CEP170: variants seen among roughly 807,000 people sequenced by gnomAD.
CEP170 encodes centrosomal protein of 170 kDa.
A neutral mutation model predicts 151.9 loss-of-function variants in CEP170; 21 were observed. The ratio of observed to expected loss-of-function variants is 0.14; its 90% confidence interval spans 0.10 to 0.20. CEP170 has a LOEUF of 0.20. CEP170 is among the 10% of genes least tolerant of loss of function. CEP170 has a pLI of 1.00. For synonymous variants in CEP170, 356 were observed against 648.8 expected (o/e 0.55, Z 6.86); for missense variants, 964 against 1,892.9 (o/e 0.51, Z 9.11).
chr1:243,164,531 G>T lies in CEP170; in HGVS notation c.3429C>A (p.Asn1143Lys), dbSNP rs1007484240. 1 of 1,612,828 alleles carries T rather than the reference G, an allele frequency of 6.2e-7. No homozygotes were observed. The highest frequency in any genetic ancestry group is 1.1e-5 in the South Asian group (1 of 90,904). ...GAGCCAATAAATCAATCCGAGAGAT[G>T]TTACGCCTTCCTGTGGGAGGTTTTG... ...STSKPPTGRR[N>K]ISRIDLLAQP... Residue 1143 changes from asparagine to lysine, a missense_variant, in exon 13 of 20, where the codon AAC becomes AAA. Asn to Lys is a moderately conservative substitution (Grantham distance 94, BLOSUM62 0). Coordinates refer to ENST00000366542, the MANE Select transcript of CEP170 (RefSeq NM_014812.3).
intron 1 of CEP170, among the ~76,000 whole-genome samples, chr1:243,231,789 A>G (rs193089308): frequency 3.3e-5 from 5 of 152,324 alleles, no homozygotes; most frequent in African/African-American, 1.2e-4. Flanking sequence ...ACACATACAG[A>G]AGACAAATAC....
rs2057495625 is a variant in CEP170 at position 243,155,828 on chromosome 1, T to C, written c.3911+393A>G. On this transcript the variant is annotated intron_variant, in intron 14 of 19. Coordinates refer to ENST00000366542, the MANE Select transcript of CEP170 (RefSeq NM_014812.3). ...TTCTCTCCAGAGAGCAGTAGCCACATCTCTAAAAGGTATACTATTACATCT... is the reference window on the plus strand; with the variant it reads ...TTCTCTCCAGAGAGCAGTAGCCACACCTCTAAAAGGTATACTATTACATCT... 4.6e-5 allele frequency among the ~76,000 whole-genome samples: 7 copies of C among 152,254 alleles called. No individual in the cohort carries two copies. The South Asian group carries it at 1.5e-3, about 32-fold the overall frequency.
At chr1:243,249,779 C>A (rs2065767814) in intron 1 of CEP170, among the ~76,000 whole-genome samples, 1 of 152,142 alleles carries the variant, frequency 6.6e-6, no homozygotes, top group Non-Finnish European at 1.5e-5. Flanking sequence ...ATGGTTTTCT[C>A]TTTAATTTAA....
chr1:243,237,229 A>T (rs1397415960), intron 1 of CEP170, among the ~76,000 whole-genome samples: 1 of 152,198 alleles, frequency 6.6e-6, no homozygotes, highest in Non-Finnish European at 1.5e-5. Flanking sequence ...AATTTTTATA[A>T]ATATCTCTAT....
chr1:243,190,922 T>C, intron 8 of CEP170, 96 bp downstream of exon 8: 2 of 1,439,188 alleles, frequency 1.4e-6, no homozygotes, highest in Non-Finnish European at 1.8e-6. Flanking sequence ...AGCAGAATGT[T>C]TTCTACCATG....
At chr1:243,230,872 A>G (rs906732775) in intron 1 of CEP170, among the ~76,000 whole-genome samples, 3 of 152,158 alleles carry the variant, frequency 2.0e-5, no homozygotes, top group African/African-American at 7.2e-5. Flanking sequence ...ATACATCAAT[A>G]CACACATCCT....
At chr1:243,225,457 C>T (rs2063150525) in intron 1 of CEP170, 136 bp from the exon 2 acceptor site, 1 of 433,480 alleles carries the variant, frequency 2.3e-6, no homozygotes, top group African/African-American at 2.0e-5. Flanking sequence ...GTCCACAGGT[C>T]CCAGGAAATG....
chr1:243,225,999 A>G (rs1380843749), intron 1 of CEP170, among the ~76,000 whole-genome samples: 3 of 141,996 alleles, frequency 2.1e-5, no homozygotes, highest in Middle Eastern at 4.2e-3. Flanking sequence ...ATATACACGT[A>G]TATATATCTA....
chr1:243,245,734 CAAAA>C (rs922089376), intron 1 of CEP170, among the ~76,000 whole-genome samples: 21 of 148,152 alleles, frequency 1.4e-4, no homozygotes, highest in African/African-American at 5.4e-4. Context: ...AACAAACAAA[CAAAA>C]AACAAAAAAC....
chr1:243,181,943 T>C (rs2059642993), intron 10 of CEP170, among the ~76,000 whole-genome samples: 1 of 152,166 alleles, frequency 6.6e-6, no homozygotes. Context: ...TCTTATTTTG[T>C]ATTCAATTAC....
chr1:243,139,353 C>T (rs910772024), intron 16 of CEP170, among the ~76,000 whole-genome samples: 4 of 152,140 alleles, frequency 2.6e-5, no homozygotes, highest in East Asian at 1.9e-4. Context: ...CTGCCCGCCT[C>T]GGTATTTTCT....
At chr1:243,140,353 T>G in intron 15 of CEP170, 1 of 430,060 alleles carries the variant, frequency 2.3e-6, no homozygotes, top group Non-Finnish European at 3.6e-6. Flanking sequence ...TATGTTAAAT[T>G]TAATTCTTCC....
chr1:243,228,243 C>T (rs2063460021), intron 1 of CEP170, among the ~76,000 whole-genome samples: 1 of 152,086 alleles, frequency 6.6e-6, no homozygotes, highest in African/African-American at 2.4e-5. Context: ...TATCTATACA[C>T]ACATGAAAAA....
intron 8 of CEP170, among the ~76,000 whole-genome samples, chr1:243,189,540 A>G (rs2060166841): frequency 2.0e-5 from 3 of 149,648 alleles, no homozygotes; most frequent in South Asian, 4.3e-4. Flanking sequence ...TGAGTGACAA[A>G]GCGAGACTCT....
intron 7 of CEP170, among the ~76,000 whole-genome samples, chr1:243,192,753 T>G (rs1197088227): frequency 6.6e-6 from 1 of 152,232 alleles, no homozygotes; most frequent in Non-Finnish European, 1.5e-5. Flanking sequence ...TTGACAGCAG[T>G]CTGAATATGA....
chr1:243,225,056 G>T, intron 2 of CEP170, 120 bp downstream of exon 2: 1 of 488,074 alleles, frequency 2.0e-6, no homozygotes, highest in South Asian at 5.8e-5. Context: ...AATGATAGCT[G>T]GAGCTAAAAG....
Position 243,125,014 on chromosome 1 carries a change from GTA to G in CEP170, c.*1433_*1434del, listed in dbSNP as rs1427179644. 1.3e-5 allele frequency: 2 copies of G among 151,998 alleles called. No individual in the cohort carries two copies. Among genetic ancestry groups the G allele is most frequent in the Non-Finnish European group, 2.9e-5 (2 of 67,986 alleles). The allele number at this position is 151,998 out of a possible 1,614,324, so 9.4% of individuals were successfully genotyped here. On this transcript the variant is annotated 3_prime_UTR_variant, in exon 20 of 20. Transcript: ENST00000366542. ...AAAAAATCCTGTAAAGTCTTGAAGT[GTA>G]TAGAGTTACTTTGTTTCTTAAAACA...
At chr1:243,190,872 T>C (rs12116614) in intron 8 of CEP170, 146 bp downstream of exon 8, 46,859 of 1,301,388 alleles carry the variant, frequency 0.036, 1,107 homozygotes, top group Non-Finnish European at 0.042. Context: ...GCAGTGTAGC[T>C]TCCTGTTTAG....
chr1:243,201,965 TG>T (rs1451365792), intron 4 of CEP170, among the ~76,000 whole-genome samples: 1 of 152,124 alleles, frequency 6.6e-6, no homozygotes, highest in Non-Finnish European at 1.5e-5. Flanking sequence ...ATATATTTGC[TG>T]GTACATATGG....
Sources: gnomAD v4.1 joint callset for allele counts (sites outside exome capture counted in the v4.1 genomes callset) on GRCh38, gnomAD v4.1.1 for gene constraint, MANE v1.5 for transcripts, NCBI Gene and HGNC (gene_info 2026-07-23, HGNC 2026-07-21) for gene names.